Variants in ZNHIT6 observed in about 807,000 individuals in gnomAD.
The protein encoded by ZNHIT6 is box C/D snoRNA protein 1.
Under a neutral mutation model 57.2 loss-of-function variants are expected in ZNHIT6, and 45 were observed. The ratio of observed to expected loss-of-function variants is 0.79; its 90% confidence interval spans 0.62 to 1.01. ZNHIT6 has a LOEUF of 1.01. ZNHIT6 is among the 50% of genes least tolerant of loss of function. The pLI is 0.00. For missense variants in ZNHIT6, 528 were observed against 567.3 expected, an observed-to-expected ratio of 0.93 and a Z score of 0.70; for synonymous variants, 188 against 190.0, an observed-to-expected ratio of 0.99 and a Z score of 0.09.
At chr1:85,656,402 C>T (rs565218343) in intron 9 of ZNHIT6, among the ~76,000 whole-genome samples, 22 of 152,104 alleles carry the variant, frequency 1.4e-4, no homozygotes, top group South Asian at 2.1e-4. Flanking sequence ...GCTCCCAGTA[C>T]GCTAGTAAAG....
At chr1:85,695,102 A>ATAGT (rs1178242193) in intron 5 of ZNHIT6, among the ~76,000 whole-genome samples, 1 of 152,070 alleles carries the variant, frequency 6.6e-6, no homozygotes, top group African/African-American at 2.4e-5. Context: ...CCTCTCTACT[A>ATAGT]AAACACAAAA....
intron 5 of ZNHIT6, 23 bp from the exon 6 acceptor site, chr1:85,680,927 G>C (rs777298483): frequency 6.3e-7 from 1 of 1,575,870 alleles, no homozygotes; most frequent in South Asian, 1.1e-5. Flanking sequence ...ATAATCATGT[G>C]AGAATCAAGG....
In ZNHIT6 at chr1:85,652,808, T is replaced by C. The variant is rs952210207; in HGVS notation, c.*1250A>G. Reference sequence around the variant, plus strand: ...AACCATTAAGTACACACATACAATATAGATGTAACAATCTTTTTACTCTCT... The same window carrying C: ...AACCATTAAGTACACACATACAATACAGATGTAACAATCTTTTTACTCTCT... On this transcript the variant is annotated 3_prime_UTR_variant, in exon 10 of 10. Transcript: ENST00000370574. The C allele has an allele frequency of 2.0e-5, 3 of 152,236 alleles. No homozygotes were observed. Among genetic ancestry groups the C allele is most frequent in the African/African-American group, 4.8e-5 (2 of 41,478 alleles). 9.4% of individuals were successfully genotyped at this position (152,236 alleles called of 1,614,324 possible). A position where few individuals can be genotyped will look rare whatever the true frequency, so the allele number is the denominator to read the frequency against.
At position 85,708,113 on chromosome 1, in the gene ZNHIT6, C is replaced by G; in HGVS notation, c.172G>C (p.Gly58Arg). 1 of 1,614,122 alleles carries G rather than the reference C, an allele frequency of 6.2e-7. No individual in the cohort carries two copies. Among genetic ancestry groups the G allele is most frequent in the Non-Finnish European group, 8.5e-7 (1 of 1,180,022 alleles). ...TGTCCACTTCCTTCCTCTCCATCCC[C>G]TATCTCCTTTATCCCTGTCAGCCCT... ...GTGLTGIKEIGDGEEGSGQRP... is the reference protein window; with the variant it reads ...GTGLTGIKEIRDGEEGSGQRP... The change falls in exon 1 of 10, where the codon GGG (glycine) becomes CGG (arginine). Residue 58 changes from glycine (G) to arginine (R), a missense_variant. Transcript: ENST00000370574.
At chr1:85,706,022 AG>A in intron 4 of ZNHIT6, 55 bp downstream of exon 4, 11 of 1,304,718 alleles carry the variant, frequency 8.4e-6, no homozygotes, top group Admixed American at 2.4e-5. Context: ...AAAAAAAAAA[AG>A]AATCTAATTG....
At position 85,678,688 on chromosome 1, in the gene ZNHIT6, T is replaced by A. The variant is rs1478601088; in HGVS notation, c.1169+13A>T. On this transcript the variant is annotated intron_variant, in intron 7 of 9. Coordinates refer to ENST00000370574, the MANE Select transcript of ZNHIT6 (RefSeq NM_017953.4). ...TAATTATTTCAGAAAGTTACAATAT[T>A]TTTGAAGCATACCTTTGACGAATTA... 2 of 1,529,108 alleles carry A rather than the reference T, an allele frequency of 1.3e-6. No individual in the cohort carries two copies. The highest frequency in any genetic ancestry group is 2.3e-5 in the East Asian group (1 of 43,808). The allele number at this position is 1,529,108 out of a possible 1,614,324, so 94.7% of individuals were successfully genotyped here.
At chr1:85,662,508 A>AAC (rs3059886) in intron 8 of ZNHIT6, among the ~76,000 whole-genome samples, 129,059 of 151,996 alleles carry the variant, frequency 0.85, 55,129 homozygotes, top group East Asian at 0.95. Context: ...TATTCCAAAA[A>AAC]AGTTTTAATT....
chr1:85,650,009 C>G lies in ZNHIT6; in HGVS notation c.*4049G>C, dbSNP rs538223161. 1.3e-5 allele frequency: 2 copies of G among 152,316 alleles called. No individual in the cohort carries two copies. The highest frequency in any genetic ancestry group is 4.1e-4 in the South Asian group (2 of 4,822). 9.4% of individuals were successfully genotyped at this position (152,316 alleles called of 1,614,324 possible). Reference sequence around the variant, plus strand: ...TACAAATCAGAAACTTCTTGCTACTCAAATTCAAACAGGGTGCAATGAATG... The same window carrying G: ...TACAAATCAGAAACTTCTTGCTACTGAAATTCAAACAGGGTGCAATGAATG... On this transcript the variant is annotated 3_prime_UTR_variant, in exon 10 of 10. Coordinates refer to ENST00000370574, the MANE Select transcript of ZNHIT6 (RefSeq NM_017953.4).
rs1661106398 is a variant in ZNHIT6, at chr1:85,657,933, T to C, written c.1286A>G (p.Asn429Ser). ...ELDPYKSLLD[N>S]LRNKVIIEYP... ...CTCAATGATCACTTTGTTCCTCAAA[T>C]TGTCTAGGAGACTTTTATAAGGATC... is the stretch of plus-strand genomic sequence containing the variant. Residue 429 changes from asparagine (N) to serine (S), a missense_variant, in exon 9 of 10, where the codon AAT becomes AGT. Transcript: ENST00000370574. 1.3e-6 allele frequency: 2 copies of C among 1,585,342 alleles called. No homozygotes were observed. The highest frequency in any genetic ancestry group is 1.3e-5 in the African/African-American group (1 of 74,402).
intron 5 of ZNHIT6, among the ~76,000 whole-genome samples, chr1:85,685,624 C>A (rs1413306774): frequency 6.6e-6 from 1 of 152,094 alleles, no homozygotes; most frequent in Non-Finnish European, 1.5e-5. Flanking sequence ...GTCGCCTGGG[C>A]TGGAGTGCAG....
At chr1:85,691,267 A>G (rs1662211215) in intron 5 of ZNHIT6, among the ~76,000 whole-genome samples, 1 of 152,256 alleles carries the variant, frequency 6.6e-6, no homozygotes, top group Admixed American at 6.5e-5. Context: ...TTCAAGAAAT[A>G]TTAACTATAT....
intron 5 of ZNHIT6, among the ~76,000 whole-genome samples, chr1:85,685,325 C>CATCT (rs1661998096): frequency 6.6e-6 from 1 of 152,212 alleles, no homozygotes; most frequent in Admixed American, 6.5e-5. Flanking sequence ...AATCATGGTA[C>CATCT]ATCTACATAA....
rs147426974 is a variant in ZNHIT6, at chr1:85,708,198, G to A, written c.87C>T (p.Gly29=). 5.8e-5 allele frequency: 94 copies of A among 1,614,060 alleles called. No individual in the cohort carries two copies. Among genetic ancestry groups the A allele is most frequent in the African/African-American group, 1.3e-4 (10 of 75,000 alleles). ...CTGCTAAGTCCCTTACTCCCTCCCT[G>A]CCAGGCTCTGGACTTAGCCGCACCC... is the stretch of plus-strand genomic sequence containing the variant. ...AEGVRLSPEP[G]REGVRDLAGA... is the part of the protein sequence containing the mutation. The change falls in exon 1 of 10, where the codon GGC becomes GGT. Residue 29 remains glycine (G), a synonymous_variant. Coordinates refer to ENST00000370574, the MANE Select transcript of ZNHIT6 (RefSeq NM_017953.4).
At chr1:85,699,822 A>G (rs936469930) in intron 5 of ZNHIT6, among the ~76,000 whole-genome samples, 1 of 152,200 alleles carries the variant, frequency 6.6e-6, no homozygotes, top group Non-Finnish European at 1.5e-5. Flanking sequence ...ATAAATGTTC[A>G]TGAATATCGG....
chr1:85,700,956 G>A (rs190516776), intron 5 of ZNHIT6, among the ~76,000 whole-genome samples: 349 of 152,232 alleles, frequency 2.3e-3, no homozygotes, highest in African/African-American at 6.8e-3. Flanking sequence ...ACAGGTGGGT[G>A]CCACTGCACC....
At chr1:85,702,774 T>G (rs1226462384) in intron 4 of ZNHIT6, among the ~76,000 whole-genome samples, 2 of 152,178 alleles carry the variant, frequency 1.3e-5, no homozygotes, top group African/African-American at 4.8e-5. Context: ...ACCACTGTTG[T>G]GGGAAGCACA....
At chr1:85,671,647 G>A (rs1026880190) in intron 8 of ZNHIT6, among the ~76,000 whole-genome samples, 3 of 152,110 alleles carry the variant, frequency 2.0e-5, no homozygotes, top group African/African-American at 7.2e-5. Flanking sequence ...ATACACAGGA[G>A]TGATTTTCTG....
chr1:85,705,982 G>A (rs1292711053), intron 4 of ZNHIT6, 96 bp downstream of exon 4: 1 of 990,512 alleles, frequency 1.0e-6, no homozygotes, highest in Admixed American at 2.8e-5. Context: ...TCTACATCAT[G>A]GTAGCCACTT....
chr1:85,688,417 A>G (rs917663792), intron 5 of ZNHIT6, among the ~76,000 whole-genome samples: 2 of 152,220 alleles, frequency 1.3e-5, no homozygotes, highest in South Asian at 4.1e-4. Context: ...GTTCAAAAAT[A>G]AACTATGTAT....
Sources: gnomAD v4.1 joint callset for allele counts (sites outside exome capture counted in the v4.1 genomes callset) on GRCh38, gnomAD v4.1.1 for gene constraint, MANE v1.5 for transcripts, NCBI Gene and HGNC (gene_info 2026-07-23, HGNC 2026-07-21) for gene names.